Variants in APOB observed in about 807,000 individuals in gnomAD.
APOB encodes apolipoprotein B, also known as apolipoprotein B-100.
A neutral mutation model predicts 314.1 loss-of-function variants in APOB; 153 were observed. The ratio of observed to expected loss-of-function variants is 0.49; its 90% CI spans 0.43 to 0.56. The LOEUF (loss-of-function observed/expected upper bound fraction) is 0.56. Ranked by LOEUF, APOB falls within the 20% of genes least tolerant of loss-of-function variation. The pLI is 0.00. For missense variants in APOB, 5,430 were observed against 5,350.7 expected (o/e 1.01, Z -0.46); for synonymous variants, 2,087 against 2,036.4 (o/e 1.02, Z -0.67).
chr2:21,005,024 C>T lies in APOB; in HGVS notation c.11788+56G>A. On this transcript the variant is annotated intron_variant, in intron 26 of 28. Coordinates refer to ENST00000233242, the MANE Select transcript of APOB (RefSeq NM_000384.3). ...ACAACTAAATACATAATTATTTACT[C>T]ATAACTCTCATTGAAAATATACAGT... 2.5e-6 allele frequency: 4 copies of T among 1,592,042 alleles called. No homozygotes were observed. The South Asian group carries it at 3.3e-5, about 13-fold the overall frequency.
chr2:21,029,516 G>T, intron 12 of APOB, 123 bp downstream of exon 12: 1 of 1,090,874 alleles, frequency 9.2e-7, no homozygotes, highest in Non-Finnish European at 1.4e-6. Flanking sequence ...AGGAAGGAAG[G>T]AAGGAAAGGA....
intron 4 of APOB, among the ~76,000 whole-genome samples, chr2:21,039,418 C>T (rs960175039): frequency 3.3e-5 from 5 of 152,198 alleles, no homozygotes; most frequent in African/African-American, 1.2e-4. Flanking sequence ...CCCATGCTGA[C>T]TTTGGTCTTA....
Position 21,008,438 on chromosome 2 carries a change from TG to T in APOB, c.8429del (p.Ala2810GlufsTer15), listed in dbSNP as rs771085028. 1 of 1,614,022 alleles carries T rather than the reference TG, an allele frequency of 6.2e-7. No individual in the cohort carries two copies. The highest frequency in any genetic ancestry group is 1.3e-5 in the African/African-American group (1 of 74,926). On this transcript the variant is annotated frameshift_variant, in exon 26 of 29. Coordinates refer to ENST00000233242, the MANE Select transcript of APOB (RefSeq NM_000384.3). LOFTEE classifies it high-confidence loss of function. ...TCTTAGGGTTTGAGAGTTGTGCATT[TG>T]CTTGAAAATCAAAATTGAGAACTTC... is the stretch of plus-strand genomic sequence containing the variant. ...KLEVLNFDFQ[A>X]NAQLSNPKIN... is the part of the protein sequence containing the mutation.
At chr2:21,034,018 G>C (rs1226793553) in intron 8 of APOB, among the ~76,000 whole-genome samples, 1 of 152,214 alleles carries the variant, frequency 6.6e-6, no homozygotes, top group Non-Finnish European at 1.5e-5. Flanking sequence ...GGTTACAACT[G>C]GGACCAGGCA....
Position 21,038,074 on chromosome 2 carries a change from C to A in APOB, c.421G>T (p.Val141Phe). Reference sequence around the variant, plus strand: ...TCATCTTTCTCCGGGTAAAGGAAAACCTGCTTCCCTTCTGGAATGGCCAGC... The same window carrying A: ...TCATCTTTCTCCGGGTAAAGGAAAAACTGCTTCCCTTCTGGAATGGCCAGC... ...LKLAIPEGKQ[V>F]FLYPEKDEPT... is the part of the protein sequence containing the mutation. The change falls in exon 5 of 29, where the codon GTT (valine) becomes TTT (phenylalanine). Residue 141 changes from valine (V) to phenylalanine (F), a missense_variant. Physicochemically the swap from Val to Phe is conservative, Grantham distance 50. Coordinates refer to ENST00000233242, the MANE Select transcript of APOB (RefSeq NM_000384.3). 1 of 1,614,196 alleles carries A rather than the reference C, an allele frequency of 6.2e-7. No individual in the cohort carries two copies. The highest frequency in any genetic ancestry group is 8.5e-7 in the Non-Finnish European group (1 of 1,180,038).
chr2:21,023,254 AC>A (rs1222086588), intron 17 of APOB, among the ~76,000 whole-genome samples: 3 of 152,330 alleles, frequency 2.0e-5, no homozygotes, highest in African/African-American at 7.2e-5. Flanking sequence ...ACCTGAGTTA[AC>A]GTGAGGCAAA....
In APOB at chr2:21,029,935, C is replaced by T. The variant is rs765052849; in HGVS notation, c.1433G>A (p.Cys478Tyr). ...ATAGGTGTAATCTTCATCCCCAGTG[C>T]AGTCATCTTGAATCTGTTCCATCAG... is the stretch of plus-strand genomic sequence containing the variant. ...NYLMEQIQDD[C>Y]TGDEDYTYLI... The change falls in exon 11 of 29, where the codon TGC becomes TAC. Residue 478 changes from cysteine (C) to tyrosine (Y), a missense_variant. Around this residue, in one of 3 missense-constraint regions of APOB, gnomAD observed 2,085 missense variants for 2,079.7 expected, o/e 1.00. Coordinates refer to ENST00000233242, the MANE Select transcript of APOB (RefSeq NM_000384.3). 13 of 1,613,808 alleles carry T rather than the reference C, an allele frequency of 8.1e-6. No homozygotes were observed. In the East Asian group the frequency reaches 2.9e-4, roughly 36 times the overall value.
In APOB at chr2:21,011,415, G is replaced by C. The variant is rs1297042597; in HGVS notation, c.5453C>G (p.Pro1818Arg). ...LTNNGKLRLE[P>R]LKLHVAGNLK... ...GTTACCAGCCACATGCAGCTTCAGGGGTTCTAGCCGTAGTTTCCCATTGTT... is the reference window on the plus strand; with the variant it reads ...GTTACCAGCCACATGCAGCTTCAGGCGTTCTAGCCGTAGTTTCCCATTGTT... The change falls in exon 26 of 29, where the codon CCC (proline) becomes CGC (arginine). Residue 1818 changes from proline (P) to arginine (R), a missense_variant. Coordinates refer to ENST00000233242, the MANE Select transcript of APOB (RefSeq NM_000384.3). 6 of 1,613,914 alleles carry C rather than the reference G, an allele frequency of 3.7e-6. No individual in the cohort carries two copies. Among genetic ancestry groups the C allele is most frequent in the Non-Finnish European group, 5.1e-6 (6 of 1,180,022 alleles).
intron 6 of APOB, among the ~76,000 whole-genome samples, chr2:21,036,856 C>T (rs1052420737): frequency 6.6e-6 from 1 of 152,106 alleles, no homozygotes. Flanking sequence ...GACAGAAGGA[C>T]AGGAGGAAAG....
At chr2:21,031,864 C>CAA (rs201106138) in intron 10 of APOB, among the ~76,000 whole-genome samples, 2 of 149,450 alleles carry the variant, frequency 1.3e-5, no homozygotes, top group African/African-American at 2.5e-5. Flanking sequence ...ACAACAACAA[C>CAA]AAAAAAAAAC....
intron 4 of APOB, among the ~76,000 whole-genome samples, 167 bp from the exon 5 acceptor site, chr2:21,038,278 T>G (rs1306145699): frequency 6.6e-6 from 1 of 152,178 alleles, no homozygotes; most frequent in Admixed American, 6.5e-5. Flanking sequence ...ACATACATTT[T>G]CAAAAAAGTA....
rs913125435 is a variant in APOB at position 21,010,030 on chromosome 2, G to A, written c.6838C>T (p.His2280Tyr). The change falls in exon 26 of 29, where the codon CAC (histidine) becomes TAC (tyrosine). Residue 2280 changes from histidine (H) to tyrosine (Y), a missense_variant. Physicochemically the swap from His to Tyr is moderately conservative, Grantham distance 83 (BLOSUM62 2). Transcript: ENST00000233242. The part of the protein sequence containing the change: ...KRHIQNIDIQ[H>Y]LAGKLKQHIE... ...TGTTGTTTTAACTTTCCAGCTAGGT[G>A]CTGGATGTCTATATTCTGTATGTGT... is the stretch of plus-strand genomic sequence containing the variant. The A allele has an allele frequency of 6.2e-7, 1 of 1,613,644 alleles. No homozygotes were observed. Among genetic ancestry groups the A allele is most frequent in the Non-Finnish European group, 8.5e-7 (1 of 1,179,934 alleles).
In APOB at chr2:21,012,274, G is replaced by T; in HGVS notation, c.4594C>A (p.Gln1532Lys). 6.2e-7 allele frequency: 1 copy of T among 1,613,964 alleles called. No individual in the cohort carries two copies. Among genetic ancestry groups the T allele is most frequent in the Non-Finnish European group, 8.5e-7 (1 of 1,179,896 alleles). Residue 1532 changes from glutamine to lysine, a missense_variant, in exon 26 of 29, where the codon CAG (glutamine) becomes AAG (lysine). Around this residue, in one of 3 missense-constraint regions of APOB, gnomAD observed 2,085 missense variants for 2,079.7 expected, o/e 1.00. Transcript: ENST00000233242. ...FNSSYLQGTN[Q>K]ITGRYEDGTL... Reference sequence around the variant, plus strand: ...CCATCTTCATATCTTCCTGTTATCTGGTTGGTGCCTTGGAGGTAGGAGGAG... The same window carrying T: ...CCATCTTCATATCTTCCTGTTATCTTGTTGGTGCCTTGGAGGTAGGAGGAG...
Position 21,009,005 on chromosome 2 carries a change from T to G in APOB, c.7863A>C (p.Leu2621=), listed in dbSNP as rs138497378. Reference sequence around the variant, plus strand: ...GAACTGATGGAATCCTCAAATCTGTTAGGGGGACTATAAAATCAGGTGTCT... The same window carrying G: ...GAACTGATGGAATCCTCAAATCTGTGAGGGGGACTATAAAATCAGGTGTCT... The part of the protein sequence containing the change: ...TFQTPDFIVP[L]TDLRIPSVQI... The change falls in exon 26 of 29, where the codon CTA becomes CTC. Residue 2621 remains leucine (L), a synonymous_variant. Coordinates refer to ENST00000233242, the MANE Select transcript of APOB (RefSeq NM_000384.3). 513 of 1,613,922 alleles carry G rather than the reference T, an allele frequency of 3.2e-4. No individual in the cohort carries two copies. Among genetic ancestry groups the G allele is most frequent in the Non-Finnish European group, 4.0e-4 (477 of 1,179,942 alleles).
chr2:21,010,827 A>T lies in APOB; in HGVS notation c.6041T>A (p.Leu2014Gln). 1.2e-6 allele frequency: 2 copies of T among 1,614,178 alleles called. No individual in the cohort carries two copies. The highest frequency in any genetic ancestry group is 1.7e-6 in the Non-Finnish European group (2 of 1,180,014). The change falls in exon 26 of 29, where the codon CTG becomes CAG. Residue 2014 changes from leucine to glutamine, a missense_variant. By Grantham distance (113) the Leu-to-Gln change is moderately radical. Transcript: ENST00000233242. ...KIGVELTGRT[L>Q]ADLTLLDSPI... ...GGAGTCTAGTAGAGTTAGGTCAGCCAGAGTTCGTCCAGTAAGCTCCACGCC... is the reference window on the plus strand; with the variant it reads ...GGAGTCTAGTAGAGTTAGGTCAGCCTGAGTTCGTCCAGTAAGCTCCACGCC...
intron 3 of APOB, among the ~76,000 whole-genome samples, chr2:21,041,934 T>TCCA (rs1402465170): frequency 1.3e-5 from 2 of 152,202 alleles, no homozygotes; most frequent in Non-Finnish European, 2.9e-5. Context: ...TGTTTATATT[T>TCCA]TTTTCTTCTT....
rs368422207 is a variant in APOB at position 21,010,850 on chromosome 2, G to A, written c.6018C>T (p.Gly2006=). The A allele has an allele frequency of 2.2e-5, 36 of 1,613,950 alleles. No homozygotes were observed. In the African/African-American group the frequency reaches 3.3e-4, roughly 15 times the overall value. The change falls in exon 26 of 29, where the codon GGC becomes GGT. Residue 2006 remains glycine (G), a synonymous_variant. Coordinates refer to ENST00000233242, the MANE Select transcript of APOB (RefSeq NM_000384.3). ...LDAYNTKDKI[G]VELTGRTLAD... Reference sequence around the variant, plus strand: ...CCAGAGTTCGTCCAGTAAGCTCCACGCCAATTTTATCTTTAGTGTTGTAAG... The same window carrying A: ...CCAGAGTTCGTCCAGTAAGCTCCACACCAATTTTATCTTTAGTGTTGTAAG...
At chr2:21,036,215 C>T (rs1195279929) in intron 6 of APOB, among the ~76,000 whole-genome samples, 1 of 152,164 alleles carries the variant, frequency 6.6e-6, no homozygotes, top group African/African-American at 2.4e-5. Flanking sequence ...CTGGCTCCTG[C>T]ATTAGACTGG....
intron 21 of APOB, 138 bp downstream of exon 21, chr2:21,016,301 T>A (rs1341817266): frequency 6.4e-5 from 38 of 591,994 alleles, no homozygotes; most frequent in Non-Finnish European, 9.0e-5. Flanking sequence ...AAAAAAAAAA[T>A]TGTTGAGGGC....
Sources: gnomAD v4.1 joint callset for allele counts (sites outside exome capture counted in the v4.1 genomes callset) on GRCh38, gnomAD v4.1.1 for gene constraint, gnomAD v4.1.1 regional missense constraint, MANE v1.5 for transcripts, NCBI Gene and HGNC (gene_info 2026-07-23, HGNC 2026-07-21) for gene names.